The following ACACA variants were observed in gnomAD, a reference collection of about 807,000 sequenced individuals.
ACACA encodes acetyl-CoA carboxylase 1.
In ACACA, 103 loss-of-function variants were observed where a neutral mutation model predicts 296.1. The ratio of observed to expected loss-of-function variants is 0.35; its 90% CI spans 0.30 to 0.41. The LOEUF is 0.41. ACACA is among the 10% of genes least tolerant of loss of function. ACACA has a pLI of 1.00. For synonymous variants in ACACA, 953 were observed against 1,038.6 expected (o/e 0.92, Z 1.58); for missense variants, 1,554 against 2,989.7 (o/e 0.52, Z 11.20).
At chr17:37,116,024 A>G (rs1597863100) in intron 50 of ACACA, among the ~76,000 whole-genome samples, 1 of 150,750 alleles carries the variant, frequency 6.6e-6, no homozygotes, top group South Asian at 2.1e-4. Context: ...CCAGGTTCTC[A>G]CTCTGTCTCC....
chr17:37,364,262 A>ACT, intron 1 of ACACA, among the ~76,000 whole-genome samples: 1 of 152,078 alleles, frequency 6.6e-6, no homozygotes, highest in East Asian at 1.9e-4. Context: ...GCACCACTGT[A>ACT]CTCCAGCCTG....
chr17:37,122,451 A>C (rs899089448), intron 49 of ACACA, 80 bp downstream of exon 49: 12 of 1,124,984 alleles, frequency 1.1e-5, no homozygotes, highest in Non-Finnish European at 1.6e-5. Context: ...GATGGTTTGC[A>C]ATGTTCCTGA....
At chr17:37,164,277 C>T (rs2076579531) in intron 41 of ACACA, among the ~76,000 whole-genome samples, 1 of 152,162 alleles carries the variant, frequency 6.6e-6, no homozygotes, top group Non-Finnish European at 1.5e-5. Context: ...TGGAAAGCCA[C>T]ATGCATCACC....
chr17:37,127,669 C>A (rs1349989239), intron 47 of ACACA, among the ~76,000 whole-genome samples: 2 of 151,932 alleles, frequency 1.3e-5, no homozygotes, highest in Non-Finnish European at 2.9e-5. Flanking sequence ...CATGGTGAAA[C>A]CCCGTCTCTA....
At chr17:37,395,825 G>A (rs1360314128) in intron 1 of ACACA, among the ~76,000 whole-genome samples, 7 of 152,198 alleles carry the variant, frequency 4.6e-5, no homozygotes, top group South Asian at 2.1e-4. Flanking sequence ...TTATAGGCGC[G>A]AGCCACCGCG....
chr17:37,379,464 A>C, intron 1 of ACACA: 1 of 1,459,554 alleles, frequency 6.9e-7, no homozygotes, highest in Non-Finnish European at 9.2e-7. Context: ...GTAGCAGGAA[A>C]AGCTACAAGA....
At position 37,130,230 on chromosome 17, in the gene ACACA, A is replaced by C. The variant is rs372664255; in HGVS notation, c.5680-12T>G. ...TCCCGCCCGAGGACCTAGAGAAAAG[A>C]GCAAGAGAAAAGACATTTGTCTCTA... is the stretch of plus-strand genomic sequence containing the variant. On this transcript the variant is annotated splice_polypyrimidine_tract_variant and intron_variant, in intron 45 of 55. Coordinates refer to ENST00000616317, the MANE Select transcript of ACACA (RefSeq NM_198834.3). The C allele has an allele frequency of 1.2e-6, 2 of 1,614,060 alleles. No homozygotes were observed. Among genetic ancestry groups the C allele is most frequent in the African/African-American group, 2.7e-5 (2 of 74,940 alleles).
chr17:37,193,493 T>C, intron 35 of ACACA, 78 bp from the exon 36 acceptor site: 6 of 1,155,744 alleles, frequency 5.2e-6, no homozygotes, highest in Non-Finnish European at 6.5e-6. Flanking sequence ...TAGAAACAGT[T>C]AAGCATTTAG....
intron 41 of ACACA, among the ~76,000 whole-genome samples, chr17:37,167,947 A>G (rs991703455): frequency 5.3e-5 from 8 of 152,202 alleles, no homozygotes; most frequent in Non-Finnish European, 7.4e-5. Flanking sequence ...GATGATGACT[A>G]TGAAGACTAT....
At chr17:37,272,761 C>A (rs1434505976) in intron 9 of ACACA, among the ~76,000 whole-genome samples, 1 of 151,672 alleles carries the variant, frequency 6.6e-6, no homozygotes, top group Non-Finnish European at 1.5e-5. Flanking sequence ...TTATGATTAC[C>A]AACACAATAC....
chr17:37,201,073 G>A (rs921641244), intron 33 of ACACA, among the ~76,000 whole-genome samples: 2 of 152,128 alleles, frequency 1.3e-5, no homozygotes, highest in Non-Finnish European at 2.9e-5. Flanking sequence ...ATTGTTAAAA[G>A]CAATATTTAA....
chr17:37,230,175 A>G (rs1281012798), intron 25 of ACACA, among the ~76,000 whole-genome samples: 4 of 151,572 alleles, frequency 2.6e-5, no homozygotes, highest in Non-Finnish European at 5.9e-5. Context: ...ACCTGAGGTC[A>G]GGCGTTCGAG....
chr17:37,365,795 A>G (rs566893348), intron 1 of ACACA: 1 of 925,594 alleles, frequency 1.1e-6, no homozygotes, highest in East Asian at 1.2e-4. Flanking sequence ...CAGCATGAGT[A>G]GTAGAGACTC....
At chr17:37,194,641 G>A (rs1192243835) in intron 35 of ACACA, among the ~76,000 whole-genome samples, 2 of 152,142 alleles carry the variant, frequency 1.3e-5, no homozygotes, top group African/African-American at 2.4e-5. Context: ...TTAAAAAGCA[G>A]AAAGCAAACA....
chr17:37,095,681 A>C (rs2072942682), intron 54 of ACACA, among the ~76,000 whole-genome samples: 1 of 152,238 alleles, frequency 6.6e-6, no homozygotes, highest in Non-Finnish European at 1.5e-5. Flanking sequence ...AGCAATGAGA[A>C]AGACAGACAA....
intron 3 of ACACA, among the ~76,000 whole-genome samples, chr17:37,309,793 T>G (rs2084046411): frequency 6.6e-6 from 1 of 152,136 alleles, no homozygotes; most frequent in African/African-American, 2.4e-5. Flanking sequence ...GGCTTACACC[T>G]GTAATCCCAG....
At chr17:37,364,167 C>T (rs969772541) in intron 1 of ACACA, among the ~76,000 whole-genome samples, 13 of 151,414 alleles carry the variant, frequency 8.6e-5, no homozygotes, top group African/African-American at 1.5e-4. Flanking sequence ...TATGGTGGCA[C>T]GTGCCTGTAG....
At chr17:37,318,433 G>T (rs1159042601) in intron 3 of ACACA, among the ~76,000 whole-genome samples, 3 of 152,154 alleles carry the variant, frequency 2.0e-5, no homozygotes, top group African/African-American at 7.2e-5. Flanking sequence ...TAGAGACAAG[G>T]TTTCGCCATG....
intron 52 of ACACA, 133 bp from the exon 53 acceptor site, chr17:37,098,117 T>G: frequency 9.0e-7 from 1 of 1,114,624 alleles, no homozygotes; most frequent in South Asian, 1.3e-5. Flanking sequence ...CTCCGTTGTC[T>G]TCTCTGCTCT....
Sources: gnomAD v4.1 joint callset for allele counts (sites outside exome capture counted in the v4.1 genomes callset) on GRCh38, gnomAD v4.1.1 for gene constraint, MANE v1.5 for transcripts, NCBI Gene and HGNC (gene_info 2026-07-23, HGNC 2026-07-21) for gene names.